The following ZMYND11 variants were observed in gnomAD, a reference collection of about 807,000 sequenced individuals.
ZMYND11 encodes zinc finger MYND-type containing 11.
ZMYND11 carries 9 observed loss-of-function variants against 84.9 expected under a neutral mutation model. The observed-to-expected ratio is 0.11, with a 90% confidence interval of 0.06 to 0.18. The LOEUF (loss-of-function observed/expected upper bound fraction) is 0.18. Among genes scored for constraint, ZMYND11 ranks in the 10% least tolerant of loss-of-function variants. ZMYND11 has a pLI of 1.00. For missense variants in ZMYND11, 409 were observed against 761.0 expected (o/e 0.54, Z 5.44); for synonymous variants, 250 against 244.1 (o/e 1.02, Z -0.23).
In ZMYND11 at chr10:221,550, A is replaced by G. The variant is rs563429012; in HGVS notation, c.438+194A>G. Among the ~76,000 whole-genome samples the G allele has an allele frequency of 1.2e-4, 19 of 152,324 alleles. 1 individual carries two copies. In the South Asian group the frequency reaches 3.9e-3, roughly 32 times the overall value. ...CACCGTATTTCAGGGTGTGGATTTT[A>G]GAAAGTTTTAATCACGTAAAAATAT... On this transcript the variant is annotated intron_variant, in intron 4 of 14. Transcript: ENST00000381604.
chr10:146,221 C>T (rs782091654), intron 1 of ZMYND11, among the ~76,000 whole-genome samples: 2 of 152,120 alleles, frequency 1.3e-5, no homozygotes, highest in African/African-American at 4.8e-5. Flanking sequence ...GTTCTCTATT[C>T]TTTTCCATTC....
At chr10:185,434 T>G (rs916692638) in intron 2 of ZMYND11, among the ~76,000 whole-genome samples, 1 of 148,738 alleles carries the variant, frequency 6.7e-6, no homozygotes, top group Non-Finnish European at 1.5e-5. Flanking sequence ...TTGGGGAGAT[T>G]TAAAAACTAT....
At chr10:184,899 GT>G (rs34092762) in intron 2 of ZMYND11, among the ~76,000 whole-genome samples, 1 of 150,640 alleles carries the variant, frequency 6.6e-6, no homozygotes, top group Middle Eastern at 3.4e-3. Context: ...TCTTTTCCCC[GT>G]TTTTTTTTGT....
rs189824684 is a variant in ZMYND11, at chr10:248,515, C to T, written c.1407C>T (p.Asp469=). The T allele has an allele frequency of 2.5e-6, 4 of 1,614,150 alleles. No homozygotes were observed. The East Asian group carries it at 6.7e-5, about 27-fold the overall frequency. ...NDGVCQSMCH[D]KYTKIFNDFK... ...GCGTGTGTCAGAGCATGTGCCATGA[C>T]AAATACACCAAGATCTTCAATGACT... Residue 469 remains aspartate, a synonymous_variant, in exon 13 of 15, where the codon GAC becomes GAT. Coordinates refer to ENST00000381604, the MANE Select transcript of ZMYND11 (RefSeq NM_001370100.5).
chr10:245,538 T>C (rs1418658156), intron 10 of ZMYND11, among the ~76,000 whole-genome samples: 1 of 152,338 alleles, frequency 6.6e-6, no homozygotes, highest in South Asian at 2.1e-4. Flanking sequence ...TACGTGTGTT[T>C]ATAGTACCAT....
At chr10:190,083 G>A (rs1939928572) in intron 2 of ZMYND11, among the ~76,000 whole-genome samples, 2 of 152,156 alleles carry the variant, frequency 1.3e-5, no homozygotes, top group Admixed American at 1.3e-4. Flanking sequence ...GAGGGGAATA[G>A]CAAATATTTT....
chr10:194,806 A>G (rs1941347897), intron 2 of ZMYND11, among the ~76,000 whole-genome samples: 2 of 152,248 alleles, frequency 1.3e-5, no homozygotes, highest in Non-Finnish European at 2.9e-5. Context: ...TCCAGATACA[A>G]GGTCGCTCAC....
chr10:204,534 C>G (rs1943799215), intron 2 of ZMYND11, among the ~76,000 whole-genome samples: 2 of 152,024 alleles, frequency 1.3e-5, no homozygotes, highest in Non-Finnish European at 2.9e-5. Flanking sequence ...AGCTGATTTT[C>G]TTGGGTTTTC....
chr10:248,899 C>T lies in ZMYND11; in HGVS notation c.1501-4C>T, dbSNP rs1355375344. Reference sequence around the variant, plus strand: ...ACGCACTGTGGGTTGTCTTTTCATTCCAGCTGCGTTCTGAAATGGAAGAAG... The same window carrying T: ...ACGCACTGTGGGTTGTCTTTTCATTTCAGCTGCGTTCTGAAATGGAAGAAG... On this transcript the variant is annotated splice_region_variant and splice_polypyrimidine_tract_variant and intron_variant, in intron 13 of 14. Coordinates refer to ENST00000381604, the MANE Select transcript of ZMYND11 (RefSeq NM_001370100.5). 1.9e-6 allele frequency: 3 copies of T among 1,603,452 alleles called. No homozygotes were observed. The highest frequency in any genetic ancestry group is 2.6e-6 in the Non-Finnish European group (3 of 1,174,554).
At chr10:202,637 C>T (rs546414401) in intron 2 of ZMYND11, among the ~76,000 whole-genome samples, 1 of 152,204 alleles carries the variant, frequency 6.6e-6, no homozygotes, top group African/African-American at 2.4e-5. Flanking sequence ...GTGCTAGTTG[C>T]GACTCATCCT....
In ZMYND11 at chr10:238,368, T is replaced by G. The variant is rs190931608; in HGVS notation, c.609+691T>G. Among the ~76,000 whole-genome samples the G allele has an allele frequency of 3.0e-3, 456 of 152,190 alleles. No homozygotes were observed. In the Middle Eastern group the frequency reaches 0.031, roughly 10 times the overall value. ...TCATCTTACAAGTTTCTTTTCTTTT[T>G]TTTTTTGAGACGGAGTCTCACTCTG... is the stretch of plus-strand genomic sequence containing the variant. On this transcript the variant is annotated intron_variant, in intron 6 of 14. Transcript: ENST00000381604.
chr10:187,611 G>A (rs540188232), intron 2 of ZMYND11, among the ~76,000 whole-genome samples: 298 of 145,702 alleles, frequency 2.0e-3, no homozygotes, highest in Non-Finnish European at 3.3e-3. Flanking sequence ...TCCGGCCTGG[G>A]CTAAACAGCG....
intron 4 of ZMYND11, among the ~76,000 whole-genome samples, chr10:225,952 C>T (rs539766910): frequency 1.3e-5 from 2 of 152,280 alleles, no homozygotes; most frequent in East Asian, 3.9e-4. Flanking sequence ...GCAGTGTGAG[C>T]CACTGACCTT....
chr10:221,798 G>A (rs1207243770), intron 4 of ZMYND11, among the ~76,000 whole-genome samples: 3 of 151,906 alleles, frequency 2.0e-5, no homozygotes, highest in African/African-American at 7.3e-5. Context: ...CTTTATTTTT[G>A]TCATATCATG....
intron 2 of ZMYND11, among the ~76,000 whole-genome samples, chr10:183,057 T>TA (rs993938461): frequency 6.6e-6 from 1 of 152,148 alleles, no homozygotes; most frequent in African/African-American, 2.4e-5. Context: ...GACGCCATTA[T>TA]AAAAAAAGCT....
At chr10:168,349 A>G (rs1306251897) in intron 1 of ZMYND11, among the ~76,000 whole-genome samples, 1 of 152,094 alleles carries the variant, frequency 6.6e-6, no homozygotes, top group African/African-American at 2.4e-5. Flanking sequence ...GCATGGTGGT[A>G]TGTGTACCTG....
rs553346828 is a variant in ZMYND11, at chr10:249,693, C to T, written c.1686+605C>T. 1.2e-4 allele frequency: 117 copies of T among 985,324 alleles called. No homozygotes were observed. The East Asian group carries it at 1.6e-3, about 13-fold the overall frequency. 61.0% of individuals were successfully genotyped at this position (985,324 alleles called of 1,614,324 possible). On this transcript the variant is annotated intron_variant, in intron 14 of 14. Transcript: ENST00000381604. The stretch of plus-strand genomic sequence containing the variant: ...AGGGTCCAAGTGCTCGTCCTACAGC[C>T]GCCACAGTGCTCAGTGAATTAGGGA...
intron 1 of ZMYND11, among the ~76,000 whole-genome samples, chr10:149,299 T>TATTATC (rs1839725816): frequency 6.8e-6 from 1 of 147,234 alleles, no homozygotes; most frequent in Admixed American, 6.8e-5. Flanking sequence ...TTATTATTAT[T>TATTATC]ATTATTATTA....
chr10:193,006 A>G (rs1328505781), intron 2 of ZMYND11, among the ~76,000 whole-genome samples: 1 of 152,062 alleles, frequency 6.6e-6, no homozygotes, highest in Non-Finnish European at 1.5e-5. Flanking sequence ...CTTTTTCCAT[A>G]GTTTTATTTC....
Sources: allele counts gnomAD v4.1 joint callset (sites outside exome capture counted in the v4.1 genomes callset), GRCh38; gene constraint gnomAD v4.1.1; transcripts MANE v1.5; gene names NCBI Gene and HGNC (gene_info 2026-07-23, HGNC 2026-07-21).